Variants in ZBTB10 observed in about 807,000 individuals in gnomAD.
ZBTB10 encodes zinc finger and BTB domain containing 10.
Under a neutral mutation model 76.4 loss-of-function variants are expected in ZBTB10, and 32 were observed. That is an observed-to-expected ratio of 0.42 (90% confidence interval 0.32 to 0.56). ZBTB10 has a LOEUF of 0.56. ZBTB10 is among the 20% of genes least tolerant of loss of function. The pLI, the probability that ZBTB10 is intolerant of heterozygous loss-of-function variation, is 0.14. For synonymous variants in ZBTB10, 523 were observed against 432.9 expected, an observed-to-expected ratio of 1.21 and a Z score of -2.58; for missense variants, 1,057 against 1,098.5, an observed-to-expected ratio of 0.96 and a Z score of 0.53.
Position 80,487,084 on chromosome 8 carries a change from A to C in ZBTB10, c.274A>C (p.Lys92Gln). The C allele has an allele frequency of 6.6e-7, 1 of 1,517,994 alleles. No homozygotes were observed. The highest frequency in any genetic ancestry group is 8.8e-7 in the Non-Finnish European group (1 of 1,139,250). The allele number at this position is 1,517,994 out of a possible 1,614,324, so 94.0% of individuals were successfully genotyped here. The change falls in exon 1 of 6, where the codon AAG (lysine) becomes CAG (glutamine). Residue 92 changes from lysine to glutamine, a missense_variant. By Grantham distance (53) the Lys-to-Gln change is moderately conservative. This residue lies in a region of ZBTB10 where 556 missense variants were observed against 451.7 expected (regional missense o/e 1.23). Coordinates refer to ENST00000455036, the MANE Select transcript of ZBTB10 (RefSeq NM_001105539.3). ...GGCCGCCGGCGCCGCCGAGGAAGCC[A>C]AGGAGTTGCTGCTCCCCCAAGACGC... is the stretch of plus-strand genomic sequence containing the variant. ...GPAAGAAEEA[K>Q]ELLLPQDAGG...
intron 3 of ZBTB10, among the ~76,000 whole-genome samples, chr8:80,514,573 A>C (rs1029409290): frequency 5.3e-5 from 8 of 152,244 alleles, no homozygotes; most frequent in Non-Finnish European, 5.9e-5. Flanking sequence ...AAATAATTCA[A>C]AGTCATCAGT....
intron 2 of ZBTB10, among the ~76,000 whole-genome samples, chr8:80,500,872 C>T (rs1211835275): frequency 1.3e-5 from 2 of 152,150 alleles, no homozygotes; most frequent in Middle Eastern, 3.4e-3. Context: ...GGCTACTGTT[C>T]TTCTGTTATT....
chr8:80,518,763 C>T lies in ZBTB10; in HGVS notation c.2138-19C>T, dbSNP rs925321739. The T allele has an allele frequency of 2.5e-6, 4 of 1,589,364 alleles. No homozygotes were observed. In the Admixed American group the frequency reaches 5.5e-5, roughly 22 times the overall value. On this transcript the variant is annotated intron_variant, in intron 4 of 5. Coordinates refer to ENST00000455036, the MANE Select transcript of ZBTB10 (RefSeq NM_001105539.3). ...GTTTAATGTGTAATAAGCACTTTCT[C>T]TTTTTTTAATTCTCATAGGTGAATC...
At position 80,520,117 on chromosome 8, in the gene ZBTB10, G is replaced by A. The variant is rs1023681755; in HGVS notation, c.*589G>A. The stretch of plus-strand genomic sequence containing the variant: ...CTTCTAGTCTTAGGTATTATTTCTC[G>A]ATTTTGTGCTGATGGGCATGTTTAT... On this transcript the variant is annotated 3_prime_UTR_variant, in exon 6 of 6. Coordinates refer to ENST00000455036, the MANE Select transcript of ZBTB10 (RefSeq NM_001105539.3). 2.0e-5 allele frequency: 3 copies of A among 152,086 alleles called. No individual in the cohort carries two copies. Among genetic ancestry groups the A allele is most frequent in the Non-Finnish European group, 4.4e-5 (3 of 67,902 alleles). The allele number at this position is 152,086 out of a possible 1,614,324, so 9.4% of individuals were successfully genotyped here. A position where few individuals can be genotyped will look rare whatever the true frequency, so the allele number is the denominator to read the frequency against.
rs763567287 is a variant in ZBTB10, at chr8:80,519,485, G to A, written c.2573G>A (p.Arg858Gln). 22 of 1,611,992 alleles carry A rather than the reference G, an allele frequency of 1.4e-5. No homozygotes were observed. The highest frequency in any genetic ancestry group is 1.2e-4 in the Admixed American group (7 of 59,730). Residue 858 changes from arginine to glutamine, a missense_variant, in exon 6 of 6, where the codon CGA (arginine) becomes CAA (glutamine). Physicochemically the swap from Arg to Gln is conservative, Grantham distance 43. Around this residue, in one of 5 missense-constraint regions of ZBTB10, gnomAD observed 55 missense variants for 65.5 expected, o/e 0.84. Coordinates refer to ENST00000455036, the MANE Select transcript of ZBTB10 (RefSeq NM_001105539.3). ...GGAGAAGATCAGAATGATCCCTCTCGATGGGATGAATCAGGAGAAGTTTGT... is the reference window on the plus strand; with the variant it reads ...GGAGAAGATCAGAATGATCCCTCTCAATGGGATGAATCAGGAGAAGTTTGT... ...DDGEDQNDPS[R>Q]WDESGEVCMS...
chr8:80,520,727 C>T lies in ZBTB10; in HGVS notation c.*1199C>T, dbSNP rs1816431499. The T allele has an allele frequency of 6.6e-6, 1 of 151,836 alleles. No individual in the cohort carries two copies. Among genetic ancestry groups the T allele is most frequent in the South Asian group, 2.1e-4 (1 of 4,814 alleles). 9.4% of individuals were successfully genotyped at this position (151,836 alleles called of 1,614,324 possible). A position where few individuals can be genotyped will look rare whatever the true frequency, so the allele number is the denominator to read the frequency against. On this transcript the variant is annotated 3_prime_UTR_variant, in exon 6 of 6. Transcript: ENST00000455036. ...TTGATACAGTCTTTCTAGTAGTCACCATGATTCAACAGTCTCAAAAATCTT... is the reference window on the plus strand; with the variant it reads ...TTGATACAGTCTTTCTAGTAGTCACTATGATTCAACAGTCTCAAAAATCTT...
At chr8:80,507,795 C>G (rs1003628266) in intron 2 of ZBTB10, among the ~76,000 whole-genome samples, 1 of 152,054 alleles carries the variant, frequency 6.6e-6, no homozygotes, top group African/African-American at 2.4e-5. Flanking sequence ...GAGACAGGGT[C>G]TCGTTATGTT....
At chr8:80,496,154 C>G (rs1815776735) in intron 1 of ZBTB10, among the ~76,000 whole-genome samples, 1 of 152,100 alleles carries the variant, frequency 6.6e-6, no homozygotes, top group South Asian at 2.1e-4. Flanking sequence ...GCAAAGATAC[C>G]TGGAGTTATT....
intron 1 of ZBTB10, among the ~76,000 whole-genome samples, chr8:80,494,025 G>A (rs1019919368): frequency 2.6e-5 from 4 of 152,158 alleles, no homozygotes; most frequent in African/African-American, 7.2e-5. Context: ...ATTGCCACTA[G>A]CATGTATTTG....
chr8:80,521,306 TTAAAACAGATGAGTA>T lies in ZBTB10; in HGVS notation c.*1779_*1793del, dbSNP rs1408775789. The T allele has an allele frequency of 6.6e-6, 1 of 151,860 alleles. No homozygotes were observed. The highest frequency in any genetic ancestry group is 1.5e-5 in the Non-Finnish European group (1 of 67,780). 9.4% of individuals were successfully genotyped at this position (151,860 alleles called of 1,614,324 possible). A position where few individuals can be genotyped will look rare whatever the true frequency, so the allele number is the denominator to read the frequency against. On this transcript the variant is annotated 3_prime_UTR_variant, in exon 6 of 6. Transcript: ENST00000455036. ...AGAATAGTTTCGGTTTGATTTTTGT[TTAAAACAGATGAGTA>T]CTTCTTAATGTTCTAGACAAATGAG...
intron 2 of ZBTB10, among the ~76,000 whole-genome samples, chr8:80,503,402 G>A (rs776349418): frequency 8.5e-5 from 13 of 152,138 alleles, no homozygotes; most frequent in African/African-American, 1.2e-4. Flanking sequence ...GCAGCTTCCA[G>A]TGTAGGATGA....
chr8:80,495,131 CTCTCT>C lies in ZBTB10; in HGVS notation c.973-4361_973-4357del, dbSNP rs1815748531. Among the ~76,000 whole-genome samples, 2 of 142,342 alleles carry C rather than the reference CTCTCT, an allele frequency of 1.4e-5. 1 individual carries two copies. The highest frequency in any genetic ancestry group is 1.5e-4 in the Admixed American group (2 of 13,504). The allele number at this position is 142,342 out of a possible 152,430, so 93.4% of individuals were successfully genotyped here. On this transcript the variant is annotated intron_variant, in intron 1 of 5. Transcript: ENST00000455036. ...GGGAGAAGGGGATTCAAATCTCTCTCTCTCTTTTTTTTTTTTTTTAAGGAGATAGG... is the reference window on the plus strand; with the variant it reads ...GGGAGAAGGGGATTCAAATCTCTCTCTTTTTTTTTTTTTTAAGGAGATAGG...
At position 80,519,428 on chromosome 8, in the gene ZBTB10, TAGG is replaced by T. The variant is rs1462278583; in HGVS notation, c.2519_2521del (p.Gly840del). 4.3e-6 allele frequency: 7 copies of T among 1,612,242 alleles called. No homozygotes were observed. Among genetic ancestry groups the T allele is most frequent in the Non-Finnish European group, 5.9e-6 (7 of 1,179,270 alleles). Reference sequence around the variant, plus strand: ...GATGAAGAATACGAGGAGAATGAAGTAGGAGAAGCTGATGAAGAGCTAGTTGAT... The same window carrying T: ...GATGAAGAATACGAGGAGAATGAAGTAGAAGCTGATGAAGAGCTAGTTGAT... On this transcript the variant is annotated inframe_deletion, in exon 6 of 6. Transcript: ENST00000455036.
chr8:80,510,202 T>G (rs1010023996), intron 2 of ZBTB10, among the ~76,000 whole-genome samples: 1 of 152,204 alleles, frequency 6.6e-6, no homozygotes, highest in African/African-American at 2.4e-5. Flanking sequence ...TTTGTTCATT[T>G]CACAAAAAGA....
intron 1 of ZBTB10, among the ~76,000 whole-genome samples, chr8:80,489,318 T>C (rs1815564586): frequency 6.6e-6 from 1 of 152,244 alleles, no homozygotes; most frequent in Admixed American, 6.5e-5. Context: ...GTTCCCATTT[T>C]ACAGAAGAGG....
At chr8:80,515,409 A>G (rs1267978928) in intron 3 of ZBTB10, among the ~76,000 whole-genome samples, 1 of 152,206 alleles carries the variant, frequency 6.6e-6, no homozygotes, top group East Asian at 1.9e-4. Flanking sequence ...ACCAAAATAA[A>G]ACCACATTTC....
At chr8:80,493,209 ACACAC>A (rs1563457256) in intron 1 of ZBTB10, among the ~76,000 whole-genome samples, 34 of 73,332 alleles carry the variant, frequency 4.6e-4, no homozygotes, top group Middle Eastern at 8.5e-3. Context: ...GCGCGCGCGC[ACACAC>A]ACACACACAC....
Position 80,487,643 on chromosome 8 carries a change from C to T in ZBTB10, c.833C>T (p.Thr278Ile), listed in dbSNP as rs777104297. The T allele has an allele frequency of 4.3e-6, 7 of 1,613,678 alleles. No individual in the cohort carries two copies. Among genetic ancestry groups the T allele is most frequent in the South Asian group, 1.1e-5 (1 of 91,064 alleles). The change falls in exon 1 of 6, where the codon ACC (threonine) becomes ATC (isoleucine). Residue 278 changes from threonine (T) to isoleucine (I), a missense_variant. Thr to Ile is a moderately conservative substitution (Grantham distance 89). Around this residue, in one of 5 missense-constraint regions of ZBTB10, gnomAD observed 556 missense variants for 451.7 expected, o/e 1.23. Transcript: ENST00000455036. ...GLMSCGWCQK[T>I]PADGGSVDLP... is the part of the protein sequence containing the mutation. ...ATGTCTTGCGGCTGGTGCCAAAAGA[C>T]CCCTGCAGATGGGGGAAGCGTGGAC...
chr8:80,486,315 T>G lies in ZBTB10; in HGVS notation c.-496T>G. On this transcript the variant is annotated 5_prime_UTR_variant, in exon 1 of 6. Coordinates refer to ENST00000455036, the MANE Select transcript of ZBTB10 (RefSeq NM_001105539.3). ...TTCGTTATGTGGCGGAGCCGAGCAG[T>G]TTAGCGTGCCTCTCACCCTCAGCGC... The G allele has an allele frequency of 1.0e-6, 1 of 1,000,246 alleles. No homozygotes were observed. Among genetic ancestry groups the G allele is most frequent in the African/African-American group, 1.7e-5 (1 of 57,334 alleles). 62.0% of individuals were successfully genotyped at this position (1,000,246 alleles called of 1,614,324 possible). A position where few individuals can be genotyped will look rare whatever the true frequency, so the allele number is the denominator to read the frequency against.
Sources: gnomAD v4.1 joint callset for allele counts (sites outside exome capture counted in the v4.1 genomes callset) on GRCh38, gnomAD v4.1.1 for gene constraint, gnomAD v4.1.1 regional missense constraint, MANE v1.5 for transcripts, NCBI Gene and HGNC (gene_info 2026-07-23, HGNC 2026-07-21) for gene names.